Variants in PAX2 observed in about 807,000 individuals in gnomAD.
PAX2 encodes the protein paired box protein Pax-2.
In PAX2, 9 loss-of-function variants were observed where a neutral mutation model predicts 41.7. The observed-to-expected ratio is 0.22, with a 90% CI of 0.13 to 0.38. PAX2 has a LOEUF of 0.38. PAX2 is among the 10% of genes least tolerant of loss of function. The pLI is 1.00. For missense variants in PAX2, 418 were observed against 531.6 expected, an observed-to-expected ratio of 0.79 and a Z score of 2.10; for synonymous variants, 221 against 212.7, an observed-to-expected ratio of 1.04 and a Z score of -0.34.
chr10:100,819,089 A>T (rs966913873), intron 7 of PAX2, among the ~76,000 whole-genome samples: 1 of 151,878 alleles, frequency 6.6e-6, no homozygotes, highest in Non-Finnish European at 1.5e-5. Context: ...TCTACTAAAA[A>T]ATACAAAAGT....
intron 6 of PAX2, among the ~76,000 whole-genome samples, chr10:100,807,381 C>T (rs985449322): frequency 2.1e-4 from 31 of 149,206 alleles, no homozygotes; most frequent in Admixed American, 6.7e-5. Context: ...CACACACCAC[C>T]GCCCACCTGC....
intron 3 of PAX2, among the ~76,000 whole-genome samples, chr10:100,762,116 C>T (rs1433672937): frequency 6.6e-6 from 1 of 151,944 alleles, no homozygotes; most frequent in African/African-American, 2.4e-5. Context: ...GTAATCCTAG[C>T]ACTTTGGGAG....
Position 100,791,243 on chromosome 10 carries a change from C to CAGGACT in PAX2, c.616+9879_616+9884dup, listed in dbSNP as rs1235376573. Among the ~76,000 whole-genome samples, 1 of 152,200 alleles carries CAGGACT rather than the reference C, an allele frequency of 6.6e-6. No homozygotes were observed. The highest frequency in any genetic ancestry group is 1.5e-5 in the Non-Finnish European group (1 of 68,036). On this transcript the variant is annotated intron_variant, in intron 5 of 9. Transcript: ENST00000355243. The surrounding 1 kb of genome is among the most constrained non-coding windows in gnomAD (Gnocchi z 4.5). ...TGTGGGCATCTCCTGGGGGCCTTTC[C>CAGGACT]AGGACTGGGGCTGGGGCTTTATCCT... is the stretch of plus-strand genomic sequence containing the variant.
rs901608536 is a variant in PAX2 at position 100,750,065 on chromosome 10, G to C, written c.212+151G>C. 4 of 939,618 alleles carry C rather than the reference G, an allele frequency of 4.3e-6. No homozygotes were observed. The highest frequency in any genetic ancestry group is 2.7e-5 in the East Asian group (1 of 37,644). The allele number at this position is 939,618 out of a possible 1,614,324, so 58.2% of individuals were successfully genotyped here. ...TCTGGAGAGGTGCTCCTTTTGGAGAGAGTGTTCAGATGGTGGCTGAAGACC... is the reference window on the plus strand; with the variant it reads ...TCTGGAGAGGTGCTCCTTTTGGAGACAGTGTTCAGATGGTGGCTGAAGACC... On this transcript the variant is annotated intron_variant, in intron 2 of 9. Coordinates refer to ENST00000355243, the MANE Select transcript of PAX2 (RefSeq NM_000278.5). This position sits in a 1 kb window ranked among gnomAD's most constrained non-coding sequence, Gnocchi z 4.1.
chr10:100,764,301 G>C (rs1002628565), intron 3 of PAX2, among the ~76,000 whole-genome samples: 10 of 151,942 alleles, frequency 6.6e-5, no homozygotes, highest in Admixed American at 6.6e-4. Context: ...CCGCCACCAC[G>C]CCTGGCTAAT....
chr10:100,819,908 A>G (rs1031987602), intron 7 of PAX2, among the ~76,000 whole-genome samples: 11 of 152,258 alleles, frequency 7.2e-5, no homozygotes, highest in African/African-American at 2.4e-4. Context: ...ATGTCTGACG[A>G]AAGTGCACTG....
At chr10:100,803,369 A>AC (rs1308219387) in intron 5 of PAX2, among the ~76,000 whole-genome samples, 1 of 148,398 alleles carries the variant, frequency 6.7e-6, no homozygotes, top group Non-Finnish European at 1.5e-5. Flanking sequence ...GCTTCTCCCA[A>AC]CCTCCTTTCC....
chr10:100,784,259 G>A (rs1291348108), intron 5 of PAX2, among the ~76,000 whole-genome samples: 1 of 152,276 alleles, frequency 6.6e-6, no homozygotes, highest in Non-Finnish European at 1.5e-5. Flanking sequence ...ACAGAAGGCA[G>A]CCTCGGGCAT....
Position 100,824,682 on chromosome 10 carries a change from C to T in PAX2, c.954C>T (p.Tyr318=), listed in dbSNP as rs78122364. The T allele has an allele frequency of 6.8e-5, 110 of 1,609,142 alleles. No individual in the cohort carries two copies. The highest frequency in any genetic ancestry group is 8.8e-5 in the Non-Finnish European group (104 of 1,175,624). The change falls in exon 8 of 10, where the codon TAC becomes TAT. Residue 318 remains tyrosine (Y), a synonymous_variant. Coordinates refer to ENST00000355243, the MANE Select transcript of PAX2 (RefSeq NM_000278.5). This position sits in a 1 kb window ranked among gnomAD's most constrained non-coding sequence, Gnocchi z 6.6. ...RDMASTTLPG[Y]PPHVPPTGQG... ...TGGCGAGCACCACTCTGCCTGGTTA[C>T]CCCCCTCACGTGCCCCCCACTGGCC...
At chr10:100,761,376 C>T (rs1159915418) in intron 3 of PAX2, among the ~76,000 whole-genome samples, 2 of 152,132 alleles carry the variant, frequency 1.3e-5, no homozygotes, top group Admixed American at 6.5e-5. Context: ...TCCCCACCCT[C>T]GTTTCCTCTG....
At position 100,746,087 on chromosome 10, in the gene PAX2, C is replaced by A; in HGVS notation, c.-174C>A. 1 of 1,512,066 alleles carries A rather than the reference C, an allele frequency of 6.6e-7. No individual in the cohort carries two copies. 93.7% of individuals were successfully genotyped at this position (1,512,066 alleles called of 1,614,324 possible). A position where few individuals can be genotyped will look rare whatever the true frequency, so the allele number is the denominator to read the frequency against. ...GCAAGCTCCGGCCAACCCGGAGGAG[C>A]CCCAGCGGGGAGCGCAGTGCTGCGC... On this transcript the variant is annotated 5_prime_UTR_variant, in exon 1 of 10. Coordinates refer to ENST00000355243, the MANE Select transcript of PAX2 (RefSeq NM_000278.5).
At chr10:100,746,411 C>G (rs1275041547) in intron 1 of PAX2, 108 bp downstream of exon 1, 3 of 814,024 alleles carry the variant, frequency 3.7e-6, no homozygotes, top group Non-Finnish European at 6.6e-6. Flanking sequence ...TCTTGGAGGC[C>G]TCCCTGGCTT....
chr10:100,747,622 A>T, intron 1 of PAX2: 7 of 984,840 alleles, frequency 7.1e-6, no homozygotes, highest in Non-Finnish European at 8.4e-6. Context: ...CCGAGGAGGG[A>T]GAGCTGTGTT....
chr10:100,736,281 C>T (rs891279151), intron 1 of PAX2, among the ~76,000 whole-genome samples: 3 of 152,202 alleles, frequency 2.0e-5, no homozygotes, highest in African/African-American at 7.2e-5. Flanking sequence ...TGGCAGGCCC[C>T]AGGGGACCCA....
At position 100,749,356 on chromosome 10, in the gene PAX2, T is replaced by C. The variant is rs1386173465; in HGVS notation, c.44-390T>C. On this transcript the variant is annotated intron_variant, in intron 1 of 9. Coordinates refer to ENST00000355243, the MANE Select transcript of PAX2 (RefSeq NM_000278.5). ...GTTGCCTGCGGCGCAGGCGGGATGC[T>C]GCTTCGCACTAGTCCAGTCCTCTGC... 5 of 1,022,734 alleles carry C rather than the reference T, an allele frequency of 4.9e-6. No homozygotes were observed. The East Asian group carries it at 2.6e-4, about 53-fold the overall frequency. 63.4% of individuals were successfully genotyped at this position (1,022,734 alleles called of 1,614,324 possible). A position where few individuals can be genotyped will look rare whatever the true frequency, so the allele number is the denominator to read the frequency against.
At chr10:100,810,861 C>T (rs893912530) in intron 7 of PAX2, among the ~76,000 whole-genome samples, 1 of 151,946 alleles carries the variant, frequency 6.6e-6, no homozygotes, top group Non-Finnish European at 1.5e-5. Flanking sequence ...CCACCCGCCT[C>T]CCCCCCATGG....
At chr10:100,781,220 G>A (rs1431349935) in intron 4 of PAX2, 26 bp from the exon 5 acceptor site, 2 of 1,613,680 alleles carry the variant, frequency 1.2e-6, no homozygotes, top group Admixed American at 3.3e-5. Flanking sequence ...CTATCCTGAT[G>A]CCATTTCCTC....
chr10:100,738,995 C>A (rs1177021851), intron 1 of PAX2, among the ~76,000 whole-genome samples: 1 of 139,138 alleles, frequency 7.2e-6, no homozygotes, highest in African/African-American at 2.7e-5. Context: ...GGGCCTAATC[C>A]GTCGCGCGCG....
At chr10:100,783,316 CA>C (rs1846707277) in intron 5 of PAX2, among the ~76,000 whole-genome samples, 1 of 152,188 alleles carries the variant, frequency 6.6e-6, no homozygotes, top group African/African-American at 2.4e-5. Flanking sequence ...GCATGTTAAA[CA>C]TGTGAGCTCA....
Sources: allele counts gnomAD v4.1 joint callset (sites outside exome capture counted in the v4.1 genomes callset), GRCh38; gene constraint gnomAD v4.1.1; non-coding constraint Gnocchi (gnomAD v3.1); transcripts MANE v1.5; gene names NCBI Gene and HGNC (gene_info 2026-07-23, HGNC 2026-07-21).